The following C4orf36 variants were observed in gnomAD, a reference collection of about 807,000 sequenced individuals.
C4orf36 encodes the protein uncharacterized protein C4orf36.
A neutral mutation model predicts 12.2 loss-of-function variants in C4orf36; 11 were observed. The observed-to-expected ratio is 0.90, with a 90% CI of 0.57 to 1.49. C4orf36 has a LOEUF of 1.49. Among genes scored for constraint, C4orf36 ranks in the 40% most tolerant of loss-of-function variants. The pLI, the probability that C4orf36 is intolerant of heterozygous loss-of-function variation, is 0.00. For missense variants in C4orf36, 137 were observed against 133.9 expected, an observed-to-expected ratio of 1.02 and a Z score of -0.11; for synonymous variants, 54 against 51.3, an observed-to-expected ratio of 1.05 and a Z score of -0.22.
the C4orf36 span, among the ~76,000 whole-genome samples, chr4:86,899,140 A>G: frequency 6.6e-6 from 1 of 152,184 alleles, no homozygotes; most frequent in Non-Finnish European, 1.5e-5. Flanking sequence ...TCCTAATGAT[A>G]AATCTGTCTG....
intron 2 of C4orf36, among the ~76,000 whole-genome samples, chr4:86,889,346 C>T (rs1224317619): frequency 7.8e-5 from 9 of 115,044 alleles, no homozygotes; most frequent in East Asian, 5.0e-4. Context: ...AGCAAAACTC[C>T]GTCTCAAAAA....
the C4orf36 span, among the ~76,000 whole-genome samples, chr4:86,898,205 A>C: frequency 6.6e-6 from 1 of 152,188 alleles, no homozygotes; most frequent in Non-Finnish European, 1.5e-5. Context: ...CAGCCTGGCC[A>C]ACATGGTGAA....
the C4orf36 span, chr4:86,913,137 A>C: frequency 3.6e-6 from 1 of 278,896 alleles, no homozygotes; most frequent in African/African-American, 2.2e-5. Context: ...ACCACATGGT[A>C]TTGGCGTGAT....
chr4:86,902,616 T>A, the C4orf36 span, among the ~76,000 whole-genome samples: 1 of 152,088 alleles, frequency 6.6e-6, no homozygotes, highest in African/African-American at 2.4e-5. Context: ...CACCACCACC[T>A]GCCTTTACCT....
chr4:86,887,781 T>G lies in C4orf36; in HGVS notation c.333A>C (p.Arg111Ser). 6.2e-7 allele frequency: 1 copy of G among 1,614,236 alleles called. No homozygotes were observed. Among genetic ancestry groups the G allele is most frequent in the East Asian group, 2.2e-5 (1 of 44,884 alleles). Reference sequence around the variant, plus strand: ...ACTGTCATTTAGATGGAAGAGGTCTTCTCAAACCGGCTGGCCTTTCCCTCA... The same window carrying G: ...ACTGTCATTTAGATGGAAGAGGTCTGCTCAAACCGGCTGGCCTTTCCCTCA... ...LLLRERPAGL[R>S]RPLPSK Residue 111 changes from arginine to serine, a missense_variant, in exon 4 of 5, where the codon AGA becomes AGC. Physicochemically the swap from Arg to Ser is moderately radical, Grantham distance 110 (BLOSUM62 -1). Coordinates refer to ENST00000295898, the MANE Select transcript of C4orf36 (RefSeq NM_144645.4).
At chr4:86,891,322 C>A in intron 2 of C4orf36, 134 bp downstream of exon 2, 1 of 616,036 alleles carries the variant, frequency 1.6e-6, no homozygotes, top group Non-Finnish European at 2.6e-6. Flanking sequence ...AATCAGATCC[C>A]AGACACCTCA....
the C4orf36 span, among the ~76,000 whole-genome samples, chr4:86,900,010 C>G: frequency 6.6e-6 from 1 of 151,398 alleles, no homozygotes; most frequent in Non-Finnish European, 1.5e-5. Flanking sequence ...TCTTACAACT[C>G]TAGCCAAAAT....
the C4orf36 span, among the ~76,000 whole-genome samples, chr4:86,923,037 A>G: frequency 1.7e-4 from 25 of 146,570 alleles, no homozygotes; most frequent in Admixed American, 8.3e-4. Context: ...CTCCTGCCTC[A>G]GCCTCCCAAG....
At chr4:86,913,541 GA>G in the C4orf36 span, 1 of 980,234 alleles carries the variant, frequency 1.0e-6, no homozygotes, top group Non-Finnish European at 1.6e-6. Flanking sequence ...CTCGGTCATC[GA>G]AAAGAGCGTT....
chr4:86,908,422 G>C, the C4orf36 span, among the ~76,000 whole-genome samples: 4 of 149,788 alleles, frequency 2.7e-5, no homozygotes, highest in African/African-American at 9.8e-5. Context: ...AAGCAAGCAA[G>C]CTACTTTCGT....
At position 86,876,329 on chromosome 4, in the gene C4orf36, C is replaced by A. The variant is rs1578771573; in HGVS notation, c.*117G>T. The A allele has an allele frequency of 2.0e-6, 3 of 1,513,224 alleles. No homozygotes were observed. The highest frequency in any genetic ancestry group is 2.3e-5 in the Admixed American group (1 of 44,074). 93.7% of individuals were successfully genotyped at this position (1,513,224 alleles called of 1,614,324 possible). On this transcript the variant is annotated 3_prime_UTR_variant, in exon 5 of 5. Coordinates refer to ENST00000295898, the MANE Select transcript of C4orf36 (RefSeq NM_144645.4). Reference sequence around the variant, plus strand: ...GAGGCTTCCTGAGGTGGGGGCCGGGCCAGGATGGCTGCAGCGCAGCGACGG... The same window carrying A: ...GAGGCTTCCTGAGGTGGGGGCCGGGACAGGATGGCTGCAGCGCAGCGACGG...
At chr4:86,885,629 T>C (rs1401568292) in intron 4 of C4orf36, among the ~76,000 whole-genome samples, 2 of 152,160 alleles carry the variant, frequency 1.3e-5, no homozygotes, top group Non-Finnish European at 2.9e-5. Context: ...AGATATACAA[T>C]CATGTCATCT....
At chr4:86,929,921 A>G in the C4orf36 span, among the ~76,000 whole-genome samples, 1 of 152,248 alleles carries the variant, frequency 6.6e-6, no homozygotes, top group Non-Finnish European at 1.5e-5. Flanking sequence ...ATTGGGTAGT[A>G]TAAGTTCCAC....
At chr4:86,913,189 C>T in the C4orf36 span, 5 of 398,142 alleles carry the variant, frequency 1.3e-5, no homozygotes, top group East Asian at 5.8e-5. Flanking sequence ...TCCTTGCCAT[C>T]GTGCCACAGC....
chr4:86,916,220 G>C, the C4orf36 span, among the ~76,000 whole-genome samples: 2 of 152,148 alleles, frequency 1.3e-5, no homozygotes, highest in Non-Finnish European at 2.9e-5. Context: ...TGACAAAGAA[G>C]TATGGGGAAT....
At chr4:86,914,315 G>A in the C4orf36 span, 21 of 1,554,954 alleles carry the variant, frequency 1.4e-5, 1 homozygote, top group Middle Eastern at 3.3e-3. Flanking sequence ...TGGGAGCCCA[G>A]TCAATACCTG....
At chr4:86,899,440 G>A in the C4orf36 span, among the ~76,000 whole-genome samples, 2 of 152,260 alleles carry the variant, frequency 1.3e-5, no homozygotes, top group East Asian at 1.9e-4. Context: ...ACAAGCTTAC[G>A]TCTATCCCAA....
the C4orf36 span, chr4:86,914,637 G>A: frequency 1.1e-4 from 37 of 327,290 alleles, no homozygotes; most frequent in South Asian, 8.4e-4. Flanking sequence ...TCCTGATCTC[G>A]TGATCCACCT....
At chr4:86,878,921 G>A (rs1184793789) in intron 4 of C4orf36, among the ~76,000 whole-genome samples, 1 of 152,188 alleles carries the variant, frequency 6.6e-6, no homozygotes, top group Non-Finnish European at 1.5e-5. Context: ...TAACTGGGAA[G>A]TTATACACAC....
Sources: allele counts gnomAD v4.1 joint callset (sites outside exome capture counted in the v4.1 genomes callset), GRCh38; gene constraint gnomAD v4.1.1; transcripts MANE v1.5; gene names NCBI Gene and HGNC (gene_info 2026-07-23, HGNC 2026-07-21).